POFUT2: variants seen among roughly 807,000 people sequenced by gnomAD.
The protein encoded by POFUT2 is GDP-fucose protein O-fucosyltransferase 2.
Under a neutral mutation model 55.0 loss-of-function variants are expected in POFUT2, and 30 were observed. The observed-to-expected ratio is 0.55, with a 90% CI of 0.41 to 0.74. The LOEUF is 0.74. Ranked by LOEUF, POFUT2 falls within the 30% of genes least tolerant of loss-of-function variation. The pLI is 0.00. For synonymous variants in POFUT2, 267 were observed against 231.1 expected, an observed-to-expected ratio of 1.16 and a Z score of -1.41; for missense variants, 524 against 562.6, an observed-to-expected ratio of 0.93 and a Z score of 0.69.
intron 6 of POFUT2, among the ~76,000 whole-genome samples, chr21:45,272,417 C>T (rs1051041069): frequency 1.3e-5 from 2 of 152,162 alleles, no homozygotes; most frequent in Non-Finnish European, 2.9e-5. Context: ...ACAATTACTA[C>T]TAGACCTAAA....
At chr21:45,268,688 G>C (rs977649028) in intron 7 of POFUT2, among the ~76,000 whole-genome samples, 57 of 147,438 alleles carry the variant, frequency 3.9e-4, no homozygotes, top group Admixed American at 4.7e-4. Context: ...CCGTCTGGGA[G>C]GTGAGGAGCG....
rs1260431612 is a variant in POFUT2, at chr21:45,282,331, G to A, written c.638+18C>T. ...GCCACAGCCTCCAGGCTGCTCCCGG[G>A]GGGCCTGGGGCACTCACCGGGCTGA... On this transcript the variant is annotated intron_variant, in intron 4 of 8. Transcript: ENST00000349485. The surrounding 1 kb of genome is among the most constrained non-coding windows in gnomAD (Gnocchi z 4.6). 1 of 1,530,156 alleles carries A rather than the reference G, an allele frequency of 6.5e-7. No individual in the cohort carries two copies. The allele number at this position is 1,530,156 out of a possible 1,614,324, so 94.8% of individuals were successfully genotyped here. A position where few individuals can be genotyped will look rare whatever the true frequency, so the allele number is the denominator to read the frequency against.
Position 45,282,950 on chromosome 21 carries a change from T to TCC in POFUT2, c.527+431_527+432dup, listed in dbSNP as rs1168888684. ...CAAGACCTCCATCCCTGTGGCAACA[T>TCC]CCAAATGCATGAAAAGACACAGGGA... is the stretch of plus-strand genomic sequence containing the variant. On this transcript the variant is annotated intron_variant, in intron 3 of 8. Transcript: ENST00000349485. The surrounding 1 kb of genome is among the most constrained non-coding windows in gnomAD (Gnocchi z 4.6). 23 of 472,056 alleles carry TCC rather than the reference T, an allele frequency of 4.9e-5. No homozygotes were observed. Among genetic ancestry groups the TCC allele is most frequent in the Non-Finnish European group, 1.0e-4 (23 of 228,138 alleles). 29.2% of individuals were successfully genotyped at this position (472,056 alleles called of 1,614,324 possible).
rs569116502 is a variant in POFUT2, at chr21:45,276,648, TATCA to T, written c.831+365_831+368del. The stretch of plus-strand genomic sequence containing the variant: ...CAGGTGAACGCTGCTTTTTTCTCTT[TATCA>T]ATCAAGTCAAGAGGGAAAAAGGCCG... On this transcript the variant is annotated intron_variant, in intron 6 of 8. Transcript: ENST00000349485. Among the ~76,000 whole-genome samples, 27 of 152,324 alleles carry T rather than the reference TATCA, an allele frequency of 1.8e-4. No individual in the cohort carries two copies. The South Asian group carries it at 5.4e-3, about 30-fold the overall frequency.
At chr21:45,269,745 C>A (rs2093200993) in intron 7 of POFUT2, 94 bp downstream of exon 7, 1 of 1,239,586 alleles carries the variant, frequency 8.1e-7, no homozygotes, top group Middle Eastern at 2.1e-4. Context: ...CATGACCCTG[C>A]CAAAATCCCC....
At chr21:45,274,480 C>A (rs540170429) in intron 6 of POFUT2, among the ~76,000 whole-genome samples, 4 of 152,200 alleles carry the variant, frequency 2.6e-5, no homozygotes, top group South Asian at 4.1e-4. Flanking sequence ...CATATGGAAC[C>A]AAAACAGAGC....
chr21:45,282,617 T>A lies in POFUT2; in HGVS notation c.528-158A>T, dbSNP rs572032295. Among the ~76,000 whole-genome samples, 1 of 152,198 alleles carries A rather than the reference T, an allele frequency of 6.6e-6. No homozygotes were observed. Among genetic ancestry groups the A allele is most frequent in the Admixed American group, 6.5e-5 (1 of 15,286 alleles). On this transcript the variant is annotated intron_variant, in intron 3 of 8. Coordinates refer to ENST00000349485, the MANE Select transcript of POFUT2 (RefSeq NM_133635.6). This position sits in a 1 kb window ranked among gnomAD's most constrained non-coding sequence, Gnocchi z 4.6. ...GTGACTGCAGATCGTGACATTCTAG[T>A]AAAATTTTAAAAGAAGCCCATGAGT...
At position 45,267,375 on chromosome 21, in the gene POFUT2, T is replaced by C; in HGVS notation, c.1136+215A>G. 1 of 1,581,254 alleles carries C rather than the reference T, an allele frequency of 6.3e-7. No individual in the cohort carries two copies. The highest frequency in any genetic ancestry group is 8.6e-7 in the Non-Finnish European group (1 of 1,162,566). The stretch of plus-strand genomic sequence containing the variant: ...AACAGCCTGCTATGGAGGAATTCTG[T>C]GCATGAGAACTAAAGGGGCAAGATG... On this transcript the variant is annotated intron_variant, in intron 8 of 8. Transcript: ENST00000349485. This position sits in a 1 kb window ranked among gnomAD's most constrained non-coding sequence, Gnocchi z 4.4.
At position 45,270,382 on chromosome 21, in the gene POFUT2, C is replaced by T. The variant is rs147212302; in HGVS notation, c.832-363G>A. ...ACAAAGCAGCTCACAGCTGCAAACT[C>T]CCCGGGAGCCAGAATGCTCTGCTGC... On this transcript the variant is annotated intron_variant, in intron 6 of 8. Transcript: ENST00000349485. The surrounding 1 kb of genome is among the most constrained non-coding windows in gnomAD (Gnocchi z 4.6). Among the ~76,000 whole-genome samples the T allele has an allele frequency of 1.3e-3, 199 of 152,210 alleles. No individual in the cohort carries two copies. Among genetic ancestry groups the T allele is most frequent in the African/African-American group, 4.7e-3 (194 of 41,536 alleles).
At position 45,269,836 on chromosome 21, in the gene POFUT2, T is replaced by C; in HGVS notation, c.1012+3A>G. 1.3e-6 allele frequency: 2 copies of C among 1,599,920 alleles called. No individual in the cohort carries two copies. Among genetic ancestry groups the C allele is most frequent in the Non-Finnish European group, 1.7e-6 (2 of 1,176,196 alleles). ...AAGAAACGAAAGCATTGAAGCTCCA[T>C]ACCCTTTCTGACGGCATCTGTGGCC... On this transcript the variant is annotated splice_donor_region_variant and intron_variant, in intron 7 of 8. Transcript: ENST00000349485.
chr21:45,266,479 A>G, intron 8 of POFUT2: 1 of 1,135,266 alleles, frequency 8.8e-7, no homozygotes, highest in Non-Finnish European at 1.1e-6. Context: ...CTGAGAGCTC[A>G]GTGCGAAGCC....
intron 8 of POFUT2, chr21:45,266,729 A>C: frequency 3.0e-6 from 3 of 999,004 alleles, no homozygotes; most frequent in Non-Finnish European, 3.6e-6. Flanking sequence ...ACACCACAGG[A>C]AATAGCAGAT....
At chr21:45,271,239 T>A (rs540448225) in intron 6 of POFUT2, among the ~76,000 whole-genome samples, 1 of 151,960 alleles carries the variant, frequency 6.6e-6, no homozygotes, top group Non-Finnish European at 1.5e-5. Flanking sequence ...AAAGACACAC[T>A]TAAAGAAACG....
Position 45,264,048 on chromosome 21 carries a change from G to C in POFUT2, c.*1434C>G, listed in dbSNP as rs1047473023. On this transcript the variant is annotated 3_prime_UTR_variant, in exon 9 of 9. Transcript: ENST00000349485. The stretch of plus-strand genomic sequence containing the variant: ...ACTGATGAAAAAGGCACTGTTTCTA[G>C]AACAAATGGAAAAAGAATAAATATG... The C allele has an allele frequency of 6.6e-6, 1 of 152,230 alleles. No individual in the cohort carries two copies. Among genetic ancestry groups the C allele is most frequent in the African/African-American group, 2.4e-5 (1 of 41,442 alleles). 9.4% of individuals were successfully genotyped at this position (152,230 alleles called of 1,614,324 possible). A position where few individuals can be genotyped will look rare whatever the true frequency, so the allele number is the denominator to read the frequency against.
chr21:45,277,215 G>A lies in POFUT2; in HGVS notation c.706-73C>T. Reference sequence around the variant, plus strand: ...CAGCCCTCCCGGAGCGGGTTCTCCTGTCGCTGCCACCACCCACCCCCGCAG... The same window carrying A: ...CAGCCCTCCCGGAGCGGGTTCTCCTATCGCTGCCACCACCCACCCCCGCAG... On this transcript the variant is annotated intron_variant, in intron 5 of 8. Coordinates refer to ENST00000349485, the MANE Select transcript of POFUT2 (RefSeq NM_133635.6). The surrounding 1 kb of genome is among the most constrained non-coding windows in gnomAD (Gnocchi z 6.9). 6.4e-7 allele frequency: 1 copy of A among 1,563,766 alleles called. No homozygotes were observed. Among genetic ancestry groups the A allele is most frequent in the Non-Finnish European group, 8.6e-7 (1 of 1,157,020 alleles).
At position 45,277,861 on chromosome 21, in the gene POFUT2, T is replaced by G; in HGVS notation, c.705+242A>C. 3.5e-6 allele frequency: 2 copies of G among 569,744 alleles called. No individual in the cohort carries two copies. The highest frequency in any genetic ancestry group is 3.0e-5 in the East Asian group (1 of 33,526). The allele number at this position is 569,744 out of a possible 1,614,324, so 35.3% of individuals were successfully genotyped here. ...CTGACTCCAGGGCGCTGCCACCGCA[T>G]TCAGGGCCTGTGGCATCAGAGGGGA... is the stretch of plus-strand genomic sequence containing the variant. On this transcript the variant is annotated intron_variant, in intron 5 of 8. Coordinates refer to ENST00000349485, the MANE Select transcript of POFUT2 (RefSeq NM_133635.6). The surrounding 1 kb of genome is among the most constrained non-coding windows in gnomAD (Gnocchi z 6.9).
chr21:45,269,407 G>A (rs1232488704), intron 7 of POFUT2, among the ~76,000 whole-genome samples: 1 of 152,020 alleles, frequency 6.6e-6, no homozygotes, highest in Non-Finnish European at 1.5e-5. Context: ...GTAGAAAGAA[G>A]TAGACATGGG....
Position 45,281,115 on chromosome 21 carries a change from T to C in POFUT2, c.638+1234A>G, listed in dbSNP as rs1245787504. The stretch of plus-strand genomic sequence containing the variant: ...ACTTTCCCTGGGTGCTGGGGGCAGA[T>C]GACCTCACCGCCCATCATCAGCCTC... On this transcript the variant is annotated intron_variant, in intron 4 of 8. Transcript: ENST00000349485. This position sits in a 1 kb window ranked among gnomAD's most constrained non-coding sequence, Gnocchi z 5.0. 1.3e-5 allele frequency among the ~76,000 whole-genome samples: 2 copies of C among 152,084 alleles called. No individual in the cohort carries two copies. Among genetic ancestry groups the C allele is most frequent in the African/African-American group, 4.8e-5 (2 of 41,402 alleles).
At chr21:45,286,769 A>G (rs1310011786) in intron 1 of POFUT2, among the ~76,000 whole-genome samples, 2 of 151,590 alleles carry the variant, frequency 1.3e-5, no homozygotes, top group African/African-American at 4.8e-5. Flanking sequence ...GGTTTTCCAT[A>G]CTCCCATCGT....
Sources: gnomAD v4.1 joint callset for allele counts (sites outside exome capture counted in the v4.1 genomes callset) on GRCh38, gnomAD v4.1.1 for gene constraint, Gnocchi (gnomAD v3.1) non-coding constraint, MANE v1.5 for transcripts, NCBI Gene and HGNC (gene_info 2026-07-23, HGNC 2026-07-21) for gene names.